The following RALYL variants were observed in gnomAD, a reference collection of about 807,000 sequenced individuals.
RALYL encodes the protein RALY RNA binding protein like.
RALYL carries 29 observed loss-of-function variants against 35.1 expected under a neutral mutation model. The ratio of observed to expected loss-of-function variants is 0.83; its 90% CI spans 0.61 to 1.13. The LOEUF (loss-of-function observed/expected upper bound fraction) is 1.13, where lower values mean the gene tolerates loss of function less well. RALYL is among the 50% of genes most tolerant of loss of function. The probability of loss-of-function intolerance (pLI) is 0.00; values close to 1 mark genes in which losing one functional copy is unlikely to be tolerated. For synonymous variants in RALYL, 120 were observed against 127.6 expected, an observed-to-expected ratio of 0.94 and a Z score of 0.40; for missense variants, 359 against 360.4, an observed-to-expected ratio of 1.00 and a Z score of 0.03.
At chr8:84,459,022 A>G (rs2050448507) in intron 1 of RALYL, among the ~76,000 whole-genome samples, 1 of 151,740 alleles carries the variant, frequency 6.6e-6, no homozygotes, top group Non-Finnish European at 1.5e-5. Context: ...AAATTAAAGC[A>G]TTTGTTACTA....
intron 1 of RALYL, among the ~76,000 whole-genome samples, chr8:84,195,835 GA>G (rs1815145111): frequency 6.6e-6 from 1 of 152,188 alleles, no homozygotes; most frequent in African/African-American, 2.4e-5. Flanking sequence ...ACTGGAAGAT[GA>G]AAGTAAATGG....
At position 84,893,496 on chromosome 8, in the gene RALYL, A is replaced by G. The variant is rs558825970; in HGVS notation, c.858+5720A>G. 9.2e-5 allele frequency among the ~76,000 whole-genome samples: 14 copies of G among 152,350 alleles called. No homozygotes were observed. The South Asian group carries it at 2.1e-3, about 23-fold the overall frequency. On this transcript the variant is annotated intron_variant, in intron 8 of 8. Transcript: ENST00000521268. ...CTATAGGAAAGCTAGTGCTTAACAC[A>G]GTGCTAATTCAAAAAAGCAAATGAG...
chr8:84,245,413 CA>C (rs1458066780), intron 1 of RALYL, among the ~76,000 whole-genome samples: 5 of 152,012 alleles, frequency 3.3e-5, no homozygotes, highest in Admixed American at 2.6e-4. Flanking sequence ...ATAATTTTAC[CA>C]GATTGTAAAA....
chr8:84,517,602 A>T (rs1186628331), intron 1 of RALYL, among the ~76,000 whole-genome samples: 1 of 152,180 alleles, frequency 6.6e-6, no homozygotes, highest in African/African-American at 2.4e-5. Context: ...CTAGTAATCA[A>T]AGTCCAAATT....
intron 1 of RALYL, among the ~76,000 whole-genome samples, chr8:84,496,740 T>G (rs570425066): frequency 1.7e-4 from 26 of 152,168 alleles, no homozygotes; most frequent in Non-Finnish European, 3.7e-4. Flanking sequence ...ATAAGTTATG[T>G]AATCCAACCC....
At chr8:84,596,223 C>A (rs1378899782) in intron 2 of RALYL, among the ~76,000 whole-genome samples, 1 of 152,050 alleles carries the variant, frequency 6.6e-6, no homozygotes. Context: ...TGTCCCCTTG[C>A]CCATTTATCC....
chr8:84,462,587 A>G (rs1181987266), intron 1 of RALYL, among the ~76,000 whole-genome samples: 2 of 144,020 alleles, frequency 1.4e-5, no homozygotes, highest in African/African-American at 2.6e-5. Context: ...GGAATAAAGT[A>G]TGTATCTAGA....
At chr8:84,859,437 C>T (rs1026892530) in intron 5 of RALYL, among the ~76,000 whole-genome samples, 2 of 152,118 alleles carry the variant, frequency 1.3e-5, no homozygotes, top group African/African-American at 2.4e-5. Flanking sequence ...TCCTGCCTCA[C>T]GCATTCCCAA....
intron 1 of RALYL, among the ~76,000 whole-genome samples, chr8:84,303,499 A>G (rs1841208812): frequency 6.6e-6 from 1 of 152,182 alleles, no homozygotes; most frequent in Admixed American, 6.5e-5. Flanking sequence ...CAGAGGTACT[A>G]TTGACTTATA....
At chr8:84,681,625 C>T (rs1835518179) in intron 2 of RALYL, among the ~76,000 whole-genome samples, 1 of 152,106 alleles carries the variant, frequency 6.6e-6, no homozygotes, top group Admixed American at 6.6e-5. Context: ...GGAGTTCACT[C>T]ATGATTTGAC....
chr8:84,711,780 G>C (rs1171914821), intron 2 of RALYL, among the ~76,000 whole-genome samples: 3 of 152,090 alleles, frequency 2.0e-5, no homozygotes, highest in Non-Finnish European at 4.4e-5. Flanking sequence ...TTTTATAGAA[G>C]TCTTGTTTAA....
At chr8:84,310,795 C>A (rs923315177) in intron 1 of RALYL, among the ~76,000 whole-genome samples, 1 of 137,684 alleles carries the variant, frequency 7.3e-6, no homozygotes, top group East Asian at 1.9e-4. Context: ...CGCCTGTAAT[C>A]CCAGCACTTT....
At chr8:84,830,016 T>TGG (rs34806186) in intron 4 of RALYL, among the ~76,000 whole-genome samples, 4 of 107,142 alleles carry the variant, frequency 3.7e-5, no homozygotes, top group African/African-American at 1.1e-4. Context: ...AGCACTATAC[T>TGG]GGGGGGGGGG....
At chr8:84,327,986 C>T (rs1216528383) in intron 1 of RALYL, among the ~76,000 whole-genome samples, 1 of 152,098 alleles carries the variant, frequency 6.6e-6, no homozygotes, top group Non-Finnish European at 1.5e-5. Context: ...AAAGAATTTG[C>T]TTAAGGAGGG....
chr8:84,237,310 A>G (rs58206111), intron 1 of RALYL, among the ~76,000 whole-genome samples: 15,245 of 152,178 alleles, frequency 0.1, 1,063 homozygotes, highest in African/African-American at 0.2. Flanking sequence ...CAGCTGGTGG[A>G]TGAGACCACT....
At chr8:84,743,218 A>G (rs1807787917) in intron 2 of RALYL, among the ~76,000 whole-genome samples, 1 of 151,978 alleles carries the variant, frequency 6.6e-6, no homozygotes, top group South Asian at 2.1e-4. Context: ...ACAGCATTCT[A>G]AAATACGATA....
chr8:84,654,270 CATATATATATATATATATATATATAT>C (rs143309933), intron 2 of RALYL, among the ~76,000 whole-genome samples: 9,361 of 44,692 alleles, frequency 0.21, 1,132 homozygotes, highest in African/African-American at 0.37. Context: ...TCTCATGTTC[CATATATATATATATATATATATATAT>C]ATATATATAT....
At chr8:84,675,276 T>G (rs938090565) in intron 2 of RALYL, among the ~76,000 whole-genome samples, 1 of 152,114 alleles carries the variant, frequency 6.6e-6, no homozygotes, top group Admixed American at 6.6e-5. Flanking sequence ...TTGGATGACT[T>G]GGGTGGTTTT....
In RALYL at chr8:84,644,401, A is replaced by G. The variant is rs187884985; in HGVS notation, c.256+114824A>G. Among the ~76,000 whole-genome samples, 71 of 152,218 alleles carry G rather than the reference A, an allele frequency of 4.7e-4. 2 individuals carry two copies. The East Asian group carries it at 7.0e-3, about 15-fold the overall frequency. On this transcript the variant is annotated intron_variant, in intron 2 of 8. Transcript: ENST00000521268. ...GAAATTTGGTATTACTAATTTTAAAATGGATAAAATTCCTATCCTCGTGGA... is the reference window on the plus strand; with the variant it reads ...GAAATTTGGTATTACTAATTTTAAAGTGGATAAAATTCCTATCCTCGTGGA...
Sources: gnomAD v4.1 joint callset for allele counts (sites outside exome capture counted in the v4.1 genomes callset) on GRCh38, gnomAD v4.1.1 for gene constraint, MANE v1.5 for transcripts, NCBI Gene and HGNC (gene_info 2026-07-23, HGNC 2026-07-21) for gene names.